NEBL: variants seen among roughly 807,000 people sequenced by gnomAD.
NEBL encodes LIM and SH3 protein 2.
A neutral mutation model predicts 140.2 loss-of-function variants in NEBL; 122 were observed. That is an observed-to-expected ratio of 0.87 (90% CI 0.75 to 1.01). The LOEUF is 1.01. NEBL is among the 50% of genes least tolerant of loss of function. NEBL has a pLI of 0.00. For synonymous variants in NEBL, 436 were observed against 398.9 expected, an observed-to-expected ratio of 1.09 and a Z score of -1.11; for missense variants, 1,365 against 1,231.3, an observed-to-expected ratio of 1.11 and a Z score of -1.62.
intron 1 of NEBL, among the ~76,000 whole-genome samples, chr10:21,256,706 C>T (rs897371348): frequency 6.6e-6 from 1 of 152,060 alleles, no homozygotes; most frequent in African/African-American, 2.4e-5. Context: ...TGGGTCACAC[C>T]TGCAGTCCCA....
At chr10:21,169,064 AAAAATATATATATAT>A (rs1272789205) in intron 2 of NEBL, among the ~76,000 whole-genome samples, 868 of 52,292 alleles carry the variant, frequency 0.017, 23 homozygotes, top group African/African-American at 0.049. Flanking sequence ...AAAAAAAAAA[AAAAATATATATATAT>A]ATATATATAT....
intron 26 of NEBL, among the ~76,000 whole-genome samples, chr10:20,802,084 GC>G (rs1837179815): frequency 6.6e-6 from 1 of 152,142 alleles, no homozygotes; most frequent in Non-Finnish European, 1.5e-5. Context: ...CATACCTGAA[GC>G]AAAACTGAAT....
chr10:20,967,600 C>T (rs1836378167), intron 3 of NEBL, among the ~76,000 whole-genome samples: 1 of 151,810 alleles, frequency 6.6e-6, no homozygotes, highest in South Asian at 2.1e-4. Context: ...TGCACTCCAG[C>T]CTGGGTGACA....
intron 3 of NEBL, among the ~76,000 whole-genome samples, chr10:20,997,872 AC>A (rs1837735873): frequency 6.6e-6 from 1 of 152,206 alleles, no homozygotes; most frequent in Admixed American, 6.5e-5. Flanking sequence ...GGTACAGCCA[AC>A]AAAACAGAGT....
upstream of NEBL, among the ~76,000 whole-genome samples, chr10:21,176,654 C>T (rs995073388): frequency 3.3e-5 from 5 of 152,176 alleles, no homozygotes; most frequent in African/African-American, 1.2e-4. Flanking sequence ...CTGGGGAGAA[C>T]TTTTGCCCTT....
rs1491569386 is a variant in NEBL, at chr10:21,061,293, A to ATGT, written c.165-41093_165-41092insACA. 6.4e-3 allele frequency among the ~76,000 whole-genome samples: 874 copies of ATGT among 137,120 alleles called. 24 individuals are homozygous for ATGT. Among genetic ancestry groups the ATGT allele is most frequent in the East Asian group, 0.014 (67 of 4,634 alleles). The allele number at this position is 137,120 out of a possible 152,430, so 90.0% of individuals were successfully genotyped here. The stretch of plus-strand genomic sequence containing the variant: ...TATTACATATTATGTGATATGTAAC[A>ATGT]TATTACATATTATGTGATATGTAAT... On this transcript the variant is annotated intron_variant, in intron 2 of 6. Coordinates refer to the NEBL transcript ENST00000417816.
chr10:21,063,446 A>G (rs1235472826), intron 2 of NEBL, among the ~76,000 whole-genome samples: 1 of 152,254 alleles, frequency 6.6e-6, no homozygotes, highest in African/African-American at 2.4e-5. Context: ...AAATTTAACA[A>G]GTCATAATAA....
intron 3 of NEBL, among the ~76,000 whole-genome samples, chr10:21,235,331 C>T (rs1842333538): frequency 6.6e-6 from 1 of 151,270 alleles, no homozygotes; most frequent in Non-Finnish European, 1.5e-5. Flanking sequence ...AATCCAAAAA[C>T]ATAAGTGTTT....
At chr10:20,929,332 A>T (rs1834067051) in intron 4 of NEBL, among the ~76,000 whole-genome samples, 1 of 152,076 alleles carries the variant, frequency 6.6e-6, no homozygotes, top group African/African-American at 2.4e-5. Context: ...TATTAAGTAT[A>T]TTTACATAAA....
intron 2 of NEBL, among the ~76,000 whole-genome samples, chr10:21,095,368 C>T (rs1451348635): frequency 6.6e-6 from 1 of 152,170 alleles, no homozygotes; most frequent in Non-Finnish European, 1.5e-5. Flanking sequence ...GAGTGATGAC[C>T]GTTGACAAGG....
chr10:21,015,579 C>T (rs1324004015), intron 3 of NEBL, among the ~76,000 whole-genome samples: 2 of 152,168 alleles, frequency 1.3e-5, no homozygotes, highest in Non-Finnish European at 2.9e-5. Flanking sequence ...GGTGTGATTA[C>T]AGCTAACTGC....
intron 1 of NEBL, among the ~76,000 whole-genome samples, chr10:21,284,210 C>CAAAAA (rs35693200): frequency 2.7e-5 from 1 of 37,170 alleles, no homozygotes; most frequent in African/African-American, 1.1e-4. Flanking sequence ...ACTCCGTCTC[C>CAAAAA]AAAAAAAAAA....
At chr10:20,828,831 C>A (rs762537129) in intron 16 of NEBL, among the ~76,000 whole-genome samples, 197 bp from the exon 17 acceptor site, 7 of 151,890 alleles carry the variant, frequency 4.6e-5, no homozygotes, top group Non-Finnish European at 1.0e-4. Flanking sequence ...CTCTACCATA[C>A]GACATGGCTT....
chr10:21,205,866 C>G (rs572790405), intron 3 of NEBL, among the ~76,000 whole-genome samples: 6 of 152,090 alleles, frequency 3.9e-5, no homozygotes, highest in African/African-American at 1.4e-4. Context: ...AAACATGCAG[C>G]TAAGGAAAGC....
Position 20,813,961 on chromosome 10 carries a change from T to G in NEBL, c.2324A>C (p.Glu775Ala). The change falls in exon 23 of 28, where the codon GAA becomes GCA. Residue 775 changes from glutamate to alanine, a missense_variant. By Grantham distance (107) the Glu-to-Ala change is moderately radical. This residue lies in a region of NEBL where 1,323 missense variants were observed against 1,154.8 expected (regional missense o/e 1.15). Transcript: ENST00000377122. ...TACCATTGAAATATGATTTTGTGCT[T>G]CTTTAACATGTCTCATAGCAGGTGT... ...LDTPAMRHVKEAQNHISMVKY... is the reference protein window; with the variant it reads ...LDTPAMRHVKAAQNHISMVKY... 6.2e-7 allele frequency: 1 copy of G among 1,603,774 alleles called. No individual in the cohort carries two copies. Among genetic ancestry groups the G allele is most frequent in the East Asian group, 2.2e-5 (1 of 44,818 alleles).
intron 4 of NEBL, among the ~76,000 whole-genome samples, chr10:20,943,577 G>C (rs961612759): frequency 2.6e-5 from 4 of 151,936 alleles, no homozygotes; most frequent in African/African-American, 9.7e-5. Context: ...TACCCTAAAA[G>C]TTAAAGTATA....
chr10:21,000,482 T>C (rs1837850444), intron 3 of NEBL, among the ~76,000 whole-genome samples: 1 of 152,108 alleles, frequency 6.6e-6, no homozygotes, highest in African/African-American at 2.4e-5. Flanking sequence ...TTGCAGAATG[T>C]TGACCTTCTG....
In NEBL at chr10:20,785,550, T is replaced by C. The variant is rs1588585337; in HGVS notation, c.*197A>G. ...GTGTCCAGACACAAAGATTTTTGTT[T>C]GTAGGAATTACTGAAAATGCTGCTG... On this transcript the variant is annotated 3_prime_UTR_variant, in exon 28 of 28. Transcript: ENST00000377122. 1.6e-6 allele frequency: 1 copy of C among 639,552 alleles called. No individual in the cohort carries two copies. Among genetic ancestry groups the C allele is most frequent in the Non-Finnish European group, 2.7e-6 (1 of 372,506 alleles). 39.6% of individuals were successfully genotyped at this position (639,552 alleles called of 1,614,324 possible).
chr10:20,954,258 A>G (rs1286533583), intron 4 of NEBL, among the ~76,000 whole-genome samples: 3 of 152,228 alleles, frequency 2.0e-5, no homozygotes, highest in Non-Finnish European at 4.4e-5. Context: ...GTAAGATGAA[A>G]TTCACACAAG....
Sources: gnomAD v4.1 joint callset for allele counts (sites outside exome capture counted in the v4.1 genomes callset) on GRCh38, gnomAD v4.1.1 for gene constraint, gnomAD v4.1.1 regional missense constraint, MANE v1.5 for transcripts, NCBI Gene and HGNC (gene_info 2026-07-23, HGNC 2026-07-21) for gene names.